The following KCNIP2 variants were observed in gnomAD, a reference collection of about 807,000 sequenced individuals.
KCNIP2 encodes the protein A-type potassium channel modulatory protein KCNIP2.
KCNIP2 carries 19 observed loss-of-function variants against 39.0 expected under a neutral mutation model. The ratio of observed to expected loss-of-function variants is 0.49; its 90% confidence interval spans 0.34 to 0.71. KCNIP2 has a LOEUF of 0.71. Ranked by LOEUF, KCNIP2 falls within the 30% of genes least tolerant of loss-of-function variation. The pLI is 0.01. For missense variants in KCNIP2, 261 were observed against 346.0 expected, an observed-to-expected ratio of 0.75 and a Z score of 1.95; for synonymous variants, 111 against 131.2, an observed-to-expected ratio of 0.85 and a Z score of 1.05.
In KCNIP2 at chr10:101,827,679, G is replaced by A. The variant is rs772896557; in HGVS notation, c.765+10C>T. On this transcript the variant is annotated intron_variant, in intron 9 of 9. Transcript: ENST00000356640. ...CAGGTCAGGGTAATGTAGAGGGCAGGGAGCTGTACCTTTTGACAAGACTCA... is the reference window on the plus strand; with the variant it reads ...CAGGTCAGGGTAATGTAGAGGGCAGAGAGCTGTACCTTTTGACAAGACTCA... The A allele has an allele frequency of 1.9e-6, 3 of 1,613,972 alleles. No individual in the cohort carries two copies. The highest frequency in any genetic ancestry group is 4.5e-5 in the East Asian group (2 of 44,884).
At chr10:101,841,062 G>A (rs911432116) in intron 1 of KCNIP2, among the ~76,000 whole-genome samples, 3 of 152,218 alleles carry the variant, frequency 2.0e-5, no homozygotes, top group Non-Finnish European at 4.4e-5. Context: ...AAGACCTGAG[G>A]GATTAGACAG....
chr10:101,833,096 G>A (rs2066047511), intron 1 of KCNIP2, among the ~76,000 whole-genome samples: 1 of 152,054 alleles, frequency 6.6e-6, no homozygotes, highest in Non-Finnish European at 1.5e-5. Context: ...CTTGTTCCCA[G>A]TTTCCTTCAT....
chr10:101,840,055 G>GA (rs2066280326), intron 1 of KCNIP2, among the ~76,000 whole-genome samples: 2 of 73,386 alleles, frequency 2.7e-5, no homozygotes, highest in South Asian at 6.1e-4. Flanking sequence ...AAAGTTCCTG[G>GA]ACGGGGGGGG....
chr10:101,837,357 T>C lies in KCNIP2; in HGVS notation c.73+6139A>G, dbSNP rs1271291454. The stretch of plus-strand genomic sequence containing the variant: ...AAAAAGAGTGATTTTTTTTCCAAGA[T>C]AACAGCTGACATGCTAATTAAGAAT... On this transcript the variant is annotated intron_variant, in intron 1 of 9. Coordinates refer to ENST00000356640, the MANE Select transcript of KCNIP2 (RefSeq NM_173191.3). 3.3e-5 allele frequency among the ~76,000 whole-genome samples: 5 copies of C among 152,226 alleles called. No individual in the cohort carries two copies. The East Asian group carries it at 9.7e-4, about 29-fold the overall frequency.
At position 101,828,714 on chromosome 10, in the gene KCNIP2, C is replaced by T; in HGVS notation, c.349-18G>A. ...GGACATTCCTGGAAGGAGAGGGCAC[C>T]AGGCTGAGGGCAGAGACAAAATCCC... On this transcript the variant is annotated intron_variant, in intron 4 of 9. Transcript: ENST00000356640. The surrounding 1 kb of genome is among the most constrained non-coding windows in gnomAD (Gnocchi z 6.6). 2 of 1,614,130 alleles carry T rather than the reference C, an allele frequency of 1.2e-6. No homozygotes were observed.
chr10:101,837,111 AAAATAAAC>A (rs1210420670), intron 1 of KCNIP2, among the ~76,000 whole-genome samples: 1 of 152,206 alleles, frequency 6.6e-6, no homozygotes, highest in Non-Finnish European at 1.5e-5. Context: ...ACCCCATCTC[AAAATAAAC>A]AAATAAACAA....
chr10:101,842,669 G>C (rs928365799), intron 1 of KCNIP2, among the ~76,000 whole-genome samples: 4 of 152,198 alleles, frequency 2.6e-5, no homozygotes, highest in African/African-American at 9.7e-5. Context: ...GAACACTAAA[G>C]TCCCTCCTTG....
At chr10:101,842,984 C>T (rs1169264946) in intron 1 of KCNIP2, among the ~76,000 whole-genome samples, 8 of 152,236 alleles carry the variant, frequency 5.3e-5, no homozygotes, top group Non-Finnish European at 1.0e-4. Context: ...TTACACACCA[C>T]TTCATACAGA....
At position 101,829,852 on chromosome 10, in the gene KCNIP2, A is replaced by G. The variant is rs1589859908; in HGVS notation, c.215T>C (p.Leu72Pro). ...ASLRPHRPRL[L>P]DPDSVDDEFE... is the part of the protein sequence containing the mutation. The stretch of plus-strand genomic sequence containing the variant: ...CCAGGAGCGTAAGTCACCTGGGTCC[A>G]GCAGGCGGGGTCTGTGGGGGCGGAG... Residue 72 changes from leucine (L) to proline (P), a missense_variant, in exon 3 of 10, where the codon CTG becomes CCG. Coordinates refer to ENST00000356640, the MANE Select transcript of KCNIP2 (RefSeq NM_173191.3). The G allele has an allele frequency of 2.1e-6, 3 of 1,461,348 alleles. No individual in the cohort carries two copies. The East Asian group carries it at 8.8e-5, about 43-fold the overall frequency. The allele number at this position is 1,461,348 out of a possible 1,614,324, so 90.5% of individuals were successfully genotyped here.
chr10:101,834,556 C>T (rs2066090433), intron 1 of KCNIP2, among the ~76,000 whole-genome samples: 2 of 152,094 alleles, frequency 1.3e-5, no homozygotes, highest in South Asian at 4.1e-4. Flanking sequence ...CTCCCAACCA[C>T]AGCCGCCGCC....
In KCNIP2 at chr10:101,843,452, T is replaced by C; in HGVS notation, c.73+44A>G. ...GGAGAGGCGGAAGGGTCTGGAGGAA[T>C]GGAATCCACCCTCCCTCCCGCGACC... is the stretch of plus-strand genomic sequence containing the variant. On this transcript the variant is annotated intron_variant, in intron 1 of 9. Coordinates refer to ENST00000356640, the MANE Select transcript of KCNIP2 (RefSeq NM_173191.3). This position sits in a 1 kb window ranked among gnomAD's most constrained non-coding sequence, Gnocchi z 6.7. The C allele has an allele frequency of 7.5e-7, 1 of 1,332,696 alleles. No individual in the cohort carries two copies. The allele number at this position is 1,332,696 out of a possible 1,614,324, so 82.6% of individuals were successfully genotyped here.
chr10:101,836,359 A>G (rs2066162300), intron 1 of KCNIP2, among the ~76,000 whole-genome samples: 1 of 139,498 alleles, frequency 7.2e-6, no homozygotes, highest in African/African-American at 2.7e-5. Context: ...CTCGTGCCTC[A>G]GCCACCGAAT....
chr10:101,827,971 G>C lies in KCNIP2; in HGVS notation c.620C>G (p.Ser207Cys). The change falls in exon 8 of 10, where the codon TCC (serine) becomes TGC (cysteine). Residue 207 changes from serine (S) to cysteine (C), a missense_variant. Coordinates refer to ENST00000356640, the MANE Select transcript of KCNIP2 (RefSeq NM_173191.3). ...GTACTTGCCCATCATGTCATAGATG[G>C]ACTTCATGATGTCAAGCATTTCCTG... is the stretch of plus-strand genomic sequence containing the variant. ...TKEEMLDIMK[S>C]IYDMMGKYTY... The C allele has an allele frequency of 6.2e-7, 1 of 1,613,488 alleles. No homozygotes were observed.
At position 101,828,744 on chromosome 10, in the gene KCNIP2, C is replaced by T. The variant is rs1442258793; in HGVS notation, c.349-48G>A. Reference sequence around the variant, plus strand: ...TGAGGGCAGAGACAAAATCCCCTTCCGTTCACCGCCCCCACCCTCCATGGC... The same window carrying T: ...TGAGGGCAGAGACAAAATCCCCTTCTGTTCACCGCCCCCACCCTCCATGGC... On this transcript the variant is annotated intron_variant, in intron 4 of 9. Coordinates refer to ENST00000356640, the MANE Select transcript of KCNIP2 (RefSeq NM_173191.3). The surrounding 1 kb of genome is among the most constrained non-coding windows in gnomAD (Gnocchi z 6.6). The T allele has an allele frequency of 8.1e-6, 13 of 1,613,434 alleles. No individual in the cohort carries two copies. The highest frequency in any genetic ancestry group is 2.7e-5 in the African/African-American group (2 of 74,882).
At chr10:101,830,535 C>A in intron 2 of KCNIP2, 1 of 1,100,920 alleles carries the variant, frequency 9.1e-7, no homozygotes, top group Non-Finnish European at 1.2e-6. Context: ...ACTCTCGGGT[C>A]CCACAGTTTT....
In KCNIP2 at chr10:101,828,304, C is replaced by A; in HGVS notation, c.490-46G>T. The A allele has an allele frequency of 2.5e-6, 4 of 1,610,670 alleles. No homozygotes were observed. Among genetic ancestry groups the A allele is most frequent in the Middle Eastern group, 1.7e-4 (1 of 6,052 alleles). ...AGCTGTGTCCTCGGGTACTCTTCAC[C>A]CAACTCCTTCTCTGGGTTTGGCCTG... On this transcript the variant is annotated intron_variant, in intron 6 of 9. Coordinates refer to ENST00000356640, the MANE Select transcript of KCNIP2 (RefSeq NM_173191.3). This position sits in a 1 kb window ranked among gnomAD's most constrained non-coding sequence, Gnocchi z 6.6.
At chr10:101,830,787 C>A (rs1174769203) in intron 2 of KCNIP2, among the ~76,000 whole-genome samples, 1 of 150,164 alleles carries the variant, frequency 6.7e-6, no homozygotes, top group Non-Finnish European at 1.5e-5. Context: ...CACACGCGCG[C>A]GGGCCTGGGG....
chr10:101,832,448 C>G (rs1478365146), intron 1 of KCNIP2, among the ~76,000 whole-genome samples: 3 of 152,060 alleles, frequency 2.0e-5, no homozygotes, highest in African/African-American at 7.2e-5. Flanking sequence ...GTCCAACTTC[C>G]TTTAGTTAAA....
Position 101,843,660 on chromosome 10 carries a change from T to A in KCNIP2, c.-92A>T, listed in dbSNP as rs1204828560. On this transcript the variant is annotated 5_prime_UTR_variant, in exon 1 of 10. Transcript: ENST00000356640. This position sits in a 1 kb window ranked among gnomAD's most constrained non-coding sequence, Gnocchi z 6.7. ...CACACGGCGCCCCCTGGCGGCCTAC[T>A]GTGCTGTCGGGGCTGGGGAAGTCCG... 1 of 656,888 alleles carries A rather than the reference T, an allele frequency of 1.5e-6. No individual in the cohort carries two copies. The highest frequency in any genetic ancestry group is 1.9e-5 in the African/African-American group (1 of 51,550). 40.7% of individuals were successfully genotyped at this position (656,888 alleles called of 1,614,324 possible).
Sources: gnomAD v4.1 joint callset for allele counts (sites outside exome capture counted in the v4.1 genomes callset) on GRCh38, gnomAD v4.1.1 for gene constraint, Gnocchi (gnomAD v3.1) non-coding constraint, MANE v1.5 for transcripts, NCBI Gene and HGNC (gene_info 2026-07-23, HGNC 2026-07-21) for gene names.